The following NUP58 variants were observed in gnomAD, a reference collection of about 807,000 sequenced individuals.
NUP58 encodes nucleoporin p58/p45.
In NUP58, 17 loss-of-function variants were observed where a neutral mutation model predicts 70.1. The ratio of observed to expected loss-of-function variants is 0.24; its 90% CI spans 0.17 to 0.36. The LOEUF (loss-of-function observed/expected upper bound fraction) is 0.36, where lower values mean the gene tolerates loss of function less well. NUP58 is among the 10% of genes least tolerant of loss of function. The probability of loss-of-function intolerance (pLI) is 1.00; values close to 1 mark genes in which losing one functional copy is unlikely to be tolerated. For missense variants in NUP58, 644 were observed against 701.5 expected (o/e 0.92, Z 0.93); for synonymous variants, 275 against 257.6 (o/e 1.07, Z -0.65).
In NUP58 at chr13:25,342,232, A is replaced by T. The variant is rs1403168862; in HGVS notation, c.*2098A>T. The T allele has an allele frequency of 6.6e-6, 1 of 152,624 alleles. No individual in the cohort carries two copies. The highest frequency in any genetic ancestry group is 1.5e-5 in the Non-Finnish European group (1 of 68,014). 9.5% of individuals were successfully genotyped at this position (152,624 alleles called of 1,614,324 possible). ...AAAGACATTTCATTGTACTGCAAAA[A>T]TCTGAATATTTATATTTCTTGTTTT... On this transcript the variant is annotated 3_prime_UTR_variant, in exon 16 of 16. Coordinates refer to ENST00000381736, the MANE Select transcript of NUP58 (RefSeq NM_014089.4).
At chr13:25,327,595 A>T (rs879816715) in intron 12 of NUP58, 83 bp downstream of exon 12, 2 of 786,500 alleles carry the variant, frequency 2.5e-6, no homozygotes, top group Non-Finnish European at 4.1e-6. Context: ...TCCATGCTTG[A>T]TACAGAAATA....
intron 6 of NUP58, 119 bp downstream of exon 6, chr13:25,315,586 A>G (rs1346943958): frequency 5.8e-6 from 4 of 687,746 alleles, no homozygotes; most frequent in Admixed American, 2.5e-5. Context: ...ACAGTTAGCT[A>G]TCTTAATGTG....
At chr13:25,346,359 T>C (rs575422154), downstream of NUP58, among the ~76,000 whole-genome samples, 6 of 152,306 alleles carry the variant, frequency 3.9e-5, no homozygotes, top group East Asian at 1.2e-3. Context: ...AGGCAGTCTA[T>C]GTAGAGTCTA....
chr13:25,340,982 C>T lies in NUP58; in HGVS notation c.*848C>T, dbSNP rs1043351689. The T allele has an allele frequency of 6.6e-6, 1 of 152,078 alleles. No homozygotes were observed. Among genetic ancestry groups the T allele is most frequent in the Non-Finnish European group, 1.5e-5 (1 of 68,026 alleles). The allele number at this position is 152,078 out of a possible 1,614,324, so 9.4% of individuals were successfully genotyped here. On this transcript the variant is annotated 3_prime_UTR_variant, in exon 16 of 16. Coordinates refer to ENST00000381736, the MANE Select transcript of NUP58 (RefSeq NM_014089.4). ...CCTACAACTTTTGCCTCAGACTGTT[C>T]CCCTTTTCTAAGGGTATTCAAGTTT...
chr13:25,335,902 A>C, intron 13 of NUP58: 2 of 1,101,508 alleles, frequency 1.8e-6, no homozygotes, highest in Non-Finnish European at 2.2e-6. Flanking sequence ...TGTACTATGA[A>C]GTTTATTGAA....
intron 13 of NUP58, chr13:25,335,309 C>G (rs907872424): frequency 1.0e-6 from 1 of 985,212 alleles, no homozygotes; most frequent in African/African-American, 1.7e-5. Flanking sequence ...CAACAAAAAG[C>G]ATGCTATTTG....
chr13:25,310,019 A>G (rs1465507104), intron 3 of NUP58: 2 of 404,300 alleles, frequency 4.9e-6, no homozygotes, highest in Non-Finnish European at 9.9e-6. Context: ...AACACAAGCA[A>G]GTGAATCTTC....
At chr13:25,338,393 G>A (rs117651255) in intron 14 of NUP58, among the ~76,000 whole-genome samples, 1 of 152,038 alleles carries the variant, frequency 6.6e-6, no homozygotes, top group East Asian at 1.9e-4. Flanking sequence ...CTTTTTTATG[G>A]CCTTGTTCTT....
intron 10 of NUP58, 141 bp from the exon 11 acceptor site, chr13:25,326,773 TCA>T (rs1414581234): frequency 4.5e-6 from 2 of 449,046 alleles, no homozygotes; most frequent in Non-Finnish European, 8.0e-6. Flanking sequence ...TATCTTCCAG[TCA>T]CAGTTATTCA....
chr13:25,308,469 A>ATTTTTTT (rs35470592), intron 2 of NUP58, among the ~76,000 whole-genome samples: 1 of 137,810 alleles, frequency 7.3e-6, no homozygotes, highest in South Asian at 2.3e-4. Context: ...CGCCTGGCTA[A>ATTTTTTT]TTTTTTTTTT....
rs538277330 is a variant in NUP58, at chr13:25,324,969, T to A, written c.952-20T>A. 1.0e-4 allele frequency: 144 copies of A among 1,442,154 alleles called. No homozygotes were observed. The highest frequency in any genetic ancestry group is 5.8e-4 in the African/African-American group (40 of 69,126). 89.3% of individuals were successfully genotyped at this position (1,442,154 alleles called of 1,614,324 possible). ...CTTAACTGGCTTTTTTTTTTTTTTTTAAATCCTCTGGTATATTAGGAGTTG... is the reference window on the plus strand; with the variant it reads ...CTTAACTGGCTTTTTTTTTTTTTTTAAAATCCTCTGGTATATTAGGAGTTG... On this transcript the variant is annotated intron_variant, in intron 9 of 15. Coordinates refer to ENST00000381736, the MANE Select transcript of NUP58 (RefSeq NM_014089.4).
At chr13:25,331,600 C>T in intron 13 of NUP58, 42 bp downstream of exon 13, 1 of 1,591,412 alleles carries the variant, frequency 6.3e-7, no homozygotes, top group Non-Finnish European at 8.6e-7. Context: ...TGTTCCAATG[C>T]AGAACATTTA....
At chr13:25,334,919 A>G (rs1207995562) in intron 13 of NUP58, 1 of 984,904 alleles carries the variant, frequency 1.0e-6, no homozygotes, top group Admixed American at 6.2e-5. Context: ...TGGAAATAAG[A>G]ACCTCTCATT....
chr13:25,330,976 T>A (rs1374682948), intron 12 of NUP58, among the ~76,000 whole-genome samples: 1 of 152,170 alleles, frequency 6.6e-6, no homozygotes, highest in Non-Finnish European at 1.5e-5. Flanking sequence ...ATGAAAAGGT[T>A]GGACATTTGA....
chr13:25,318,344 T>C (rs938912533), intron 6 of NUP58, among the ~76,000 whole-genome samples: 1 of 151,822 alleles, frequency 6.6e-6, no homozygotes, highest in Non-Finnish European at 1.5e-5. Flanking sequence ...AAAAAAAAAA[T>C]TTGTAGCCAC....
In NUP58 at chr13:25,313,057, C is replaced by T. The variant is rs370546662; in HGVS notation, c.436+25C>T. The T allele has an allele frequency of 4.4e-6, 7 of 1,603,686 alleles. No individual in the cohort carries two copies. The East Asian group carries it at 1.3e-4, about 31-fold the overall frequency. ...GGTGAGGCAGAATGAAAAACCGTTG[C>T]ATTTAATGGTTAAATTTCAATTTTA... On this transcript the variant is annotated intron_variant, in intron 4 of 15. Coordinates refer to ENST00000381736, the MANE Select transcript of NUP58 (RefSeq NM_014089.4).
At chr13:25,331,678 A>G in intron 13 of NUP58, 120 bp downstream of exon 13, 1 of 1,477,868 alleles carries the variant, frequency 6.8e-7, no homozygotes, top group East Asian at 2.5e-5. Context: ...CTGTTCCAAT[A>G]CAATCTAAAA....
intron 13 of NUP58, chr13:25,334,671 A>G (rs532776587): frequency 2.0e-6 from 2 of 979,318 alleles, no homozygotes; most frequent in African/African-American, 3.5e-5. Flanking sequence ...TACATTAGGC[A>G]TTTGGGGTGA....
intron 8 of NUP58, 85 bp downstream of exon 8, chr13:25,320,680 G>T (rs1021556928): frequency 9.9e-7 from 1 of 1,007,982 alleles, no homozygotes; most frequent in Non-Finnish European, 1.5e-6. Context: ...TCCTAAAATC[G>T]CATCCTAGAG....
Sources: gnomAD v4.1 joint callset for allele counts (sites outside exome capture counted in the v4.1 genomes callset) on GRCh38, gnomAD v4.1.1 for gene constraint, MANE v1.5 for transcripts, NCBI Gene and HGNC (gene_info 2026-07-23, HGNC 2026-07-21) for gene names.